Variants in CFDP1 observed in about 807,000 individuals in gnomAD.
CFDP1 encodes the protein chromatin remodeling protein CFDP1.
CFDP1 carries 31 observed loss-of-function variants against 40.1 expected under a neutral mutation model. That is an observed-to-expected ratio of 0.77 (90% CI 0.58 to 1.04). The LOEUF (loss-of-function observed/expected upper bound fraction) is 1.04. Ranked by LOEUF, CFDP1 falls within the 50% of genes least tolerant of loss-of-function variation. The pLI is 0.00. For synonymous variants in CFDP1, 167 were observed against 120.0 expected (o/e 1.39, Z -2.56); for missense variants, 423 against 343.4 (o/e 1.23, Z -1.83).
chr16:75,387,434 C>T (rs1330414206), intron 5 of CFDP1, among the ~76,000 whole-genome samples: 1 of 152,218 alleles, frequency 6.6e-6, no homozygotes, highest in African/African-American at 2.4e-5. Flanking sequence ...AGCCACTGCG[C>T]CCGGCCAGGG....
chr16:75,319,074 A>C (rs545258318), intron 5 of CFDP1, among the ~76,000 whole-genome samples: 1 of 152,148 alleles, frequency 6.6e-6, no homozygotes, highest in East Asian at 1.9e-4. Flanking sequence ...TTTGAGATGA[A>C]GTTTCTGTTG....
chr16:75,301,066 G>T (rs892861587), intron 6 of CFDP1, among the ~76,000 whole-genome samples: 1 of 152,192 alleles, frequency 6.6e-6, no homozygotes, highest in Admixed American at 6.5e-5. Flanking sequence ...TAAGGCCTGA[G>T]GCATGGTGAG....
intron 1 of CFDP1, among the ~76,000 whole-genome samples, chr16:75,417,461 G>C (rs2079220373): frequency 6.6e-6 from 1 of 152,132 alleles, no homozygotes; most frequent in African/African-American, 2.4e-5. Flanking sequence ...GAAAAAAAAG[G>C]AGAGGAAAAG....
At chr16:75,404,054 C>T (rs1225672603) in intron 4 of CFDP1, among the ~76,000 whole-genome samples, 4 of 151,430 alleles carry the variant, frequency 2.6e-5, no homozygotes, top group African/African-American at 4.9e-5. Context: ...ATCGCTTGAA[C>T]CCAGGAGGCG....
chr16:75,370,449 C>T (rs2078743743), intron 5 of CFDP1, among the ~76,000 whole-genome samples: 1 of 152,018 alleles, frequency 6.6e-6, no homozygotes, highest in African/African-American at 2.4e-5. Context: ...GGAGATATAC[C>T]TAATGTAAAT....
intron 5 of CFDP1, among the ~76,000 whole-genome samples, chr16:75,341,356 T>C (rs748854488): frequency 6.6e-6 from 1 of 152,216 alleles, no homozygotes; most frequent in Non-Finnish European, 1.5e-5. Flanking sequence ...TTCAAAGTTA[T>C]TAATAACCCT....
At chr16:75,425,781 C>A (rs377017279) in intron 1 of CFDP1, among the ~76,000 whole-genome samples, 11 of 151,860 alleles carry the variant, frequency 7.2e-5, no homozygotes, top group African/African-American at 2.7e-4. Context: ...CTCCTGTAAT[C>A]CCAGCACTTT....
chr16:75,347,350 AAAAAAAAAAAAAAAG>A (rs1315554895), intron 5 of CFDP1, among the ~76,000 whole-genome samples: 1,713 of 133,510 alleles, frequency 0.013, 28 homozygotes, highest in African/African-American at 0.047. Context: ...TCTCAAAAAA[AAAAAAAAAAAAAAAG>A]AAAAAGAAAA....
At chr16:75,412,437 G>A (rs2079171063) in intron 3 of CFDP1, 98 bp downstream of exon 3, 1 of 894,172 alleles carries the variant, frequency 1.1e-6, no homozygotes, top group Non-Finnish European at 1.8e-6. Flanking sequence ...TAGTACAATT[G>A]TTATCAAAAG....
At chr16:75,300,684 T>G (rs560076215) in intron 6 of CFDP1, among the ~76,000 whole-genome samples, 2 of 152,234 alleles carry the variant, frequency 1.3e-5, no homozygotes, top group East Asian at 3.9e-4. Flanking sequence ...AGCAAGTATT[T>G]GGTTTTGAAA....
intron 6 of CFDP1, among the ~76,000 whole-genome samples, chr16:75,297,399 C>G (rs2078191610): frequency 6.6e-6 from 1 of 152,172 alleles, no homozygotes; most frequent in South Asian, 2.1e-4. Context: ...GACCAAGAGA[C>G]TAAATGTCCC....
rs2151585108 is a variant in CFDP1, at chr16:75,411,772, G to C, written c.530+53C>G. ...ATAGATGGCTAACACCAGTTAGAGA[G>C]AGACGCTCATTTTTGAAAATGCTAG... On this transcript the variant is annotated intron_variant, in intron 4 of 6. Coordinates refer to ENST00000283882, the MANE Select transcript of CFDP1 (RefSeq NM_006324.3). 3.2e-6 allele frequency: 5 copies of C among 1,543,048 alleles called. No homozygotes were observed. In the South Asian group the frequency reaches 4.7e-5, roughly 14 times the overall value.
intron 5 of CFDP1, among the ~76,000 whole-genome samples, chr16:75,307,805 C>T (rs2078268748): frequency 6.6e-6 from 1 of 152,196 alleles, no homozygotes; most frequent in Non-Finnish European, 1.5e-5. Context: ...AGCAATCCTC[C>T]TGCCTTGGCC....
chr16:75,299,296 A>C (rs1402341499), intron 6 of CFDP1, among the ~76,000 whole-genome samples: 1 of 152,066 alleles, frequency 6.6e-6, no homozygotes, highest in Non-Finnish European at 1.5e-5. Flanking sequence ...GATTAATTCT[A>C]ATCCTACTTG....
At chr16:75,365,037 T>G (rs1196112860) in intron 5 of CFDP1, among the ~76,000 whole-genome samples, 1 of 152,228 alleles carries the variant, frequency 6.6e-6, no homozygotes, top group African/African-American at 2.4e-5. Context: ...TGTGGATTAT[T>G]TGGCTATCAA....
intron 1 of CFDP1, among the ~76,000 whole-genome samples, chr16:75,419,946 G>A (rs918952378): frequency 4.6e-5 from 7 of 151,780 alleles, no homozygotes; most frequent in Non-Finnish European, 1.0e-4. Context: ...TTACTTTTCT[G>A]TATGGATTTC....
intron 1 of CFDP1, among the ~76,000 whole-genome samples, chr16:75,423,707 G>C (rs1213368834): frequency 6.6e-6 from 1 of 152,010 alleles, no homozygotes; most frequent in African/African-American, 2.4e-5. Context: ...GTTGAGACGG[G>C]GTTTCACCAC....
At chr16:75,416,738 A>C (rs1237550228) in intron 1 of CFDP1, among the ~76,000 whole-genome samples, 3 of 152,130 alleles carry the variant, frequency 2.0e-5, no homozygotes, top group Admixed American at 2.0e-4. Context: ...ACAGAGCAAG[A>C]CCCTGTCTCA....
chr16:75,433,465 G>T lies in CFDP1; in HGVS notation c.-113C>A. The stretch of plus-strand genomic sequence containing the variant: ...GGCGGCGGCGACGGCAGCTAGGGCG[G>T]CCCCCGACAGCGCTTTGCACATGCG... On this transcript the variant is annotated 5_prime_UTR_variant, in exon 1 of 7. Transcript: ENST00000283882. 1 of 945,742 alleles carries T rather than the reference G, an allele frequency of 1.1e-6. No individual in the cohort carries two copies. The highest frequency in any genetic ancestry group is 1.6e-6 in the Non-Finnish European group (1 of 615,620). 58.6% of individuals were successfully genotyped at this position (945,742 alleles called of 1,614,324 possible). A position where few individuals can be genotyped will look rare whatever the true frequency, so the allele number is the denominator to read the frequency against.
Sources: gnomAD v4.1 joint callset for allele counts (sites outside exome capture counted in the v4.1 genomes callset) on GRCh38, gnomAD v4.1.1 for gene constraint, MANE v1.5 for transcripts, NCBI Gene and HGNC (gene_info 2026-07-23, HGNC 2026-07-21) for gene names.